The following CNTLN variants were observed in gnomAD, a reference collection of about 807,000 sequenced individuals.
CNTLN encodes centlein, centrosomal protein.
A neutral mutation model predicts 180.0 loss-of-function variants in CNTLN; 212 were observed. The observed-to-expected ratio is 1.18, with a 90% CI of 1.05 to 1.32. The LOEUF (loss-of-function observed/expected upper bound fraction) is 1.32, where lower values mean the gene tolerates loss of function less well. Among genes scored for constraint, CNTLN ranks in the 40% most tolerant of loss-of-function variants. CNTLN has a pLI of 0.00. For missense variants in CNTLN, 2,095 were observed against 1,610.9 expected, an observed-to-expected ratio of 1.30 and a Z score of -5.14; for synonymous variants, 722 against 563.1, an observed-to-expected ratio of 1.28 and a Z score of -3.99.
intron 25 of CNTLN, chr9:17,495,126 T>G (rs1436704251): frequency 5.8e-6 from 2 of 343,836 alleles, no homozygotes; most frequent in African/African-American, 4.3e-5. Context: ...GTGATCTGCC[T>G]GCCTCAGCCT....
At chr9:17,330,175 T>C (rs879287687) in intron 8 of CNTLN, among the ~76,000 whole-genome samples, 9 of 152,082 alleles carry the variant, frequency 5.9e-5, no homozygotes, top group Admixed American at 5.2e-4. Flanking sequence ...GAGTTGTTAT[T>C]AAATTAGTTT....
At chr9:17,137,175 C>T (rs1039345077) in intron 1 of CNTLN, among the ~76,000 whole-genome samples, 1 of 152,084 alleles carries the variant, frequency 6.6e-6, no homozygotes, top group Non-Finnish European at 1.5e-5. Context: ...ATACTCTTGG[C>T]AAATGTAAGA....
chr9:17,152,193 C>T (rs1818935522), intron 2 of CNTLN, among the ~76,000 whole-genome samples: 1 of 152,048 alleles, frequency 6.6e-6, no homozygotes, highest in Non-Finnish European at 1.5e-5. Context: ...TATTTCTTGT[C>T]TTCTGCTAGC....
At chr9:17,150,649 A>T (rs763766039) in intron 2 of CNTLN, among the ~76,000 whole-genome samples, 3 of 152,132 alleles carry the variant, frequency 2.0e-5, no homozygotes, top group Non-Finnish European at 4.4e-5. Flanking sequence ...TTTTGGTTCC[A>T]TATGAACTTT....
intron 12 of CNTLN, among the ~76,000 whole-genome samples, chr9:17,357,498 A>G (rs564170408): frequency 1.5e-3 from 228 of 150,388 alleles, no homozygotes; most frequent in African/African-American, 5.1e-3. Flanking sequence ...TTTTGAGGCC[A>G]TACATATATT....
chr9:17,145,317 A>G (rs1304460705), intron 2 of CNTLN, among the ~76,000 whole-genome samples: 1 of 152,246 alleles, frequency 6.6e-6, no homozygotes, highest in Non-Finnish European at 1.5e-5. Context: ...ATTGGAAACG[A>G]TAAGTGGCAT....
intron 2 of CNTLN, among the ~76,000 whole-genome samples, chr9:17,161,915 G>T (rs1192448096): frequency 6.6e-6 from 1 of 151,374 alleles, no homozygotes; most frequent in East Asian, 1.9e-4. Flanking sequence ...CATTACATTT[G>T]CTTCTATGGT....
At chr9:17,257,046 T>C (rs886090377) in intron 5 of CNTLN, among the ~76,000 whole-genome samples, 19 of 152,046 alleles carry the variant, frequency 1.2e-4, no homozygotes, top group African/African-American at 4.6e-4. Context: ...TACATATGTA[T>C]ACATGTGCCA....
rs73422171 is a variant in CNTLN, at chr9:17,325,433, T to C, written c.1342-5199T>C. On this transcript the variant is annotated intron_variant, in intron 8 of 25. Transcript: ENST00000380647. ...GTGTGTATGTATACACAGACAATTA[T>C]ATACTCTGTTGTATTCCCAGAGGGT... is the stretch of plus-strand genomic sequence containing the variant. 8.1e-3 allele frequency among the ~76,000 whole-genome samples: 1,216 copies of C among 150,554 alleles called. 19 individuals carry two copies. Among genetic ancestry groups the C allele is most frequent in the African/African-American group, 0.028 (1,155 of 41,120 alleles).
At chr9:17,488,590 T>C (rs1165963179) in intron 25 of CNTLN, among the ~76,000 whole-genome samples, 1 of 152,154 alleles carries the variant, frequency 6.6e-6, no homozygotes, top group African/African-American at 2.4e-5. Context: ...ACTAAAACTG[T>C]ACTGACACTG....
chr9:17,311,668 G>T (rs1819144072), intron 8 of CNTLN, among the ~76,000 whole-genome samples: 1 of 151,996 alleles, frequency 6.6e-6, no homozygotes, highest in African/African-American at 2.4e-5. Context: ...AATTAGCTGG[G>T]CATGGTGGCG....
chr9:17,279,827 A>ACTGGGCC (rs1563951668), intron 6 of CNTLN, among the ~76,000 whole-genome samples: 41 of 52,382 alleles, frequency 7.8e-4, no homozygotes, highest in Admixed American at 6.5e-3. Flanking sequence ...AGTGTGGGAC[A>ACTGGGCC]TTGGGCTCTG....
At chr9:17,382,012 G>T (rs1367842888) in intron 13 of CNTLN, among the ~76,000 whole-genome samples, 1 of 152,132 alleles carries the variant, frequency 6.6e-6, no homozygotes. Flanking sequence ...GCAGGGATCT[G>T]TACTGCATCC....
At chr9:17,177,154 A>T (rs1313832780) in intron 2 of CNTLN, among the ~76,000 whole-genome samples, 3 of 152,166 alleles carry the variant, frequency 2.0e-5, no homozygotes, top group Admixed American at 6.5e-5. Flanking sequence ...TCACGCCTGT[A>T]ATCCCAGCAC....
intron 8 of CNTLN, among the ~76,000 whole-genome samples, chr9:17,312,537 C>T (rs1819264493): frequency 6.8e-6 from 1 of 147,204 alleles, no homozygotes; most frequent in Non-Finnish European, 1.5e-5. Context: ...CAGGTGCCCG[C>T]CACCAAGCCC....
intron 10 of CNTLN, among the ~76,000 whole-genome samples, chr9:17,338,125 TTTCCTTCC>T (rs71331485): frequency 0.015 from 2,228 of 148,222 alleles, 57 homozygotes; most frequent in African/African-American, 0.053. Context: ...TCCCTCCTTC[TTTCCTTCC>T]TTCCTTCCTT....
At chr9:17,258,881 C>T (rs995530220) in intron 5 of CNTLN, among the ~76,000 whole-genome samples, 1 of 145,734 alleles carries the variant, frequency 6.9e-6, no homozygotes, top group African/African-American at 2.7e-5. Context: ...TGGGCTGAGA[C>T]AGTGGGGTTT....
intron 15 of CNTLN, among the ~76,000 whole-genome samples, chr9:17,399,728 T>C (rs1266301528): frequency 6.6e-6 from 1 of 152,220 alleles, no homozygotes; most frequent in African/African-American, 2.4e-5. Flanking sequence ...TGGCAGGTGC[T>C]AGAATGACTC....
intron 19 of CNTLN, among the ~76,000 whole-genome samples, chr9:17,461,759 A>T (rs1831460251): frequency 6.6e-6 from 1 of 151,552 alleles, no homozygotes; most frequent in Non-Finnish European, 1.5e-5. Context: ...TATTATATTT[A>T]TATTCATTTA....
Sources: gnomAD v4.1 joint callset for allele counts (sites outside exome capture counted in the v4.1 genomes callset) on GRCh38, gnomAD v4.1.1 for gene constraint, MANE v1.5 for transcripts, NCBI Gene and HGNC (gene_info 2026-07-23, HGNC 2026-07-21) for gene names.